The following FGF14 variants were observed in gnomAD, a reference collection of about 807,000 sequenced individuals.
FGF14 encodes fibroblast growth factor 14.
A neutral mutation model predicts 25.5 loss-of-function variants in FGF14; 5 were observed. The ratio of observed to expected loss-of-function variants is 0.20; its 90% CI spans 0.10 to 0.41. The LOEUF (loss-of-function observed/expected upper bound fraction) is 0.41. Ranked by LOEUF, FGF14 falls within the 10% of genes least tolerant of loss-of-function variation. The pLI, the probability that FGF14 is intolerant of heterozygous loss-of-function variation, is 1.00. For synonymous variants in FGF14, 138 were observed against 118.3 expected (o/e 1.17, Z -1.08); for missense variants, 222 against 320.1 (o/e 0.69, Z 2.34).
chr13:102,262,820 T>G (rs1397263143), intron 1 of FGF14, among the ~76,000 whole-genome samples: 1 of 152,118 alleles, frequency 6.6e-6, no homozygotes, highest in African/African-American at 2.4e-5. Context: ...CAGAAGTCAG[T>G]GATTGATTGA....
At chr13:102,218,725 G>A (rs543535418) in intron 1 of FGF14, among the ~76,000 whole-genome samples, 1 of 151,334 alleles carries the variant, frequency 6.6e-6, no homozygotes, top group East Asian at 2.0e-4. Flanking sequence ...ACCACCTTGG[G>A]GTGTTTTTAT....
At chr13:101,967,956 G>T (rs1428338331) in intron 1 of FGF14, among the ~76,000 whole-genome samples, 2 of 152,202 alleles carry the variant, frequency 1.3e-5, no homozygotes, top group African/African-American at 4.8e-5. Flanking sequence ...TTTCCAAATT[G>T]CAAGTTCACC....
chr13:101,750,947 A>G (rs771951847), intron 3 of FGF14, among the ~76,000 whole-genome samples: 1 of 152,180 alleles, frequency 6.6e-6, no homozygotes, highest in Non-Finnish European at 1.5e-5. Context: ...CCTATACACT[A>G]TACGATTCCA....
chr13:102,077,346 G>A (rs1421330178), intron 1 of FGF14, among the ~76,000 whole-genome samples: 2 of 152,118 alleles, frequency 1.3e-5, no homozygotes, highest in African/African-American at 2.4e-5. Flanking sequence ...ACAATCAACA[G>A]AGTGAAGAGA....
chr13:102,114,131 A>T (rs1340767471), intron 1 of FGF14, among the ~76,000 whole-genome samples: 3 of 152,232 alleles, frequency 2.0e-5, no homozygotes, highest in Admixed American at 6.5e-5. Context: ...AAATGAAACT[A>T]AAAGAGTGTC....
In FGF14 at chr13:101,806,984, C is replaced by T. The variant is rs569439550; in HGVS notation, c.408+61741G>A. Among the ~76,000 whole-genome samples the T allele has an allele frequency of 4.6e-5, 7 of 152,082 alleles. No individual in the cohort carries two copies. The East Asian group carries it at 1.4e-3, about 29-fold the overall frequency. ...TAAAATCTCCTTATAACTTTCACTG[C>T]GGACTTCTATCCAGCATAACATAGC... On this transcript the variant is annotated intron_variant, in intron 3 of 4. Transcript: ENST00000376143.
chr13:102,011,031 T>C (rs1175184423), intron 1 of FGF14, among the ~76,000 whole-genome samples: 1 of 152,190 alleles, frequency 6.6e-6, no homozygotes, highest in East Asian at 1.9e-4. Context: ...CCATTGTTCA[T>C]TTTAGTGTAT....
Position 101,936,392 on chromosome 13 carries a change from C to T in FGF14, c.209-61096G>A, listed in dbSNP as rs145909674. ...CTAAAGTCCATACCTTAGGCCACGT[C>T]TCCTAACCCTAAACATTGCCGAGTA... On this transcript the variant is annotated intron_variant, in intron 1 of 4. Coordinates refer to the FGF14 transcript ENST00000376131. Among the ~76,000 whole-genome samples, 18 of 152,330 alleles carry T rather than the reference C, an allele frequency of 1.2e-4. 1 individual carries two copies. In the East Asian group the frequency reaches 3.3e-3, roughly 28 times the overall value.
intron 1 of FGF14, among the ~76,000 whole-genome samples, chr13:102,259,610 C>G (rs914245172): frequency 5.3e-5 from 8 of 152,174 alleles, no homozygotes; most frequent in East Asian, 1.9e-4. Flanking sequence ...GCCCTCCCCC[C>G]CATCCACTCT....
chr13:102,253,956 A>G (rs2052323544), intron 1 of FGF14, among the ~76,000 whole-genome samples: 1 of 152,184 alleles, frequency 6.6e-6, no homozygotes, highest in African/African-American at 2.4e-5. Context: ...CCTCCTCTCA[A>G]TAAAGATGAA....
chr13:102,186,363 C>A (rs2048874211), intron 1 of FGF14, among the ~76,000 whole-genome samples: 1 of 152,092 alleles, frequency 6.6e-6, no homozygotes, highest in Admixed American at 6.6e-5. Flanking sequence ...ATCTCACTGA[C>A]TGCCAATGTT....
At chr13:102,392,010 T>C (rs1274105100) in intron 1 of FGF14, among the ~76,000 whole-genome samples, 1 of 152,216 alleles carries the variant, frequency 6.6e-6, no homozygotes, top group African/African-American at 2.4e-5. Context: ...TCATATTTCT[T>C]AAAGTACAAT....
intron 1 of FGF14, among the ~76,000 whole-genome samples, chr13:102,154,901 C>A (rs975110790): frequency 8.6e-5 from 13 of 151,426 alleles, no homozygotes; most frequent in African/African-American, 2.9e-4. Flanking sequence ...CAACAAAGAT[C>A]AAAAGAGACA....
chr13:102,401,336 C>T (rs1392469981), intron 1 of FGF14: 23 of 810,674 alleles, frequency 2.8e-5, no homozygotes, highest in Non-Finnish European at 3.5e-5. Context: ...CATGCAACAC[C>T]TCTATATGCA....
chr13:102,060,749 G>A (rs1031916729), intron 1 of FGF14, among the ~76,000 whole-genome samples: 36 of 152,302 alleles, frequency 2.4e-4, no homozygotes, highest in Middle Eastern at 3.4e-3. Flanking sequence ...GGTCCCTGGC[G>A]AGGGCTCCAC....
intron 1 of FGF14, among the ~76,000 whole-genome samples, chr13:102,047,522 C>T (rs112531466): frequency 6.6e-6 from 1 of 152,208 alleles, no homozygotes; most frequent in East Asian, 1.9e-4. Flanking sequence ...AGTTCACGTC[C>T]TTTGCAGGGA....
intron 1 of FGF14, among the ~76,000 whole-genome samples, chr13:102,323,056 C>T (rs1440226986): frequency 1.3e-5 from 2 of 152,140 alleles, no homozygotes; most frequent in African/African-American, 4.8e-5. Flanking sequence ...GGTTTCTGCT[C>T]ATAAAGTAAA....
chr13:102,155,026 AC>A (rs1156924477), intron 1 of FGF14, among the ~76,000 whole-genome samples: 9 of 152,186 alleles, frequency 5.9e-5, no homozygotes, highest in Non-Finnish European at 1.3e-4. Context: ...GTCCTTAGAG[AC>A]CTATAAAGAG....
chr13:102,220,273 AT>A (rs1166394971), intron 1 of FGF14, among the ~76,000 whole-genome samples: 3 of 152,144 alleles, frequency 2.0e-5, no homozygotes, highest in Admixed American at 2.0e-4. Flanking sequence ...ATGTGATTAT[AT>A]TTTTCATTTA....
Sources: allele counts gnomAD v4.1 joint callset (sites outside exome capture counted in the v4.1 genomes callset), GRCh38; gene constraint gnomAD v4.1.1; transcripts MANE v1.5; gene names NCBI Gene and HGNC (gene_info 2026-07-23, HGNC 2026-07-21).